RLF: variants seen among roughly 807,000 people sequenced by gnomAD.
RLF encodes RLF zinc finger, also known as zinc finger protein Rlf.
A neutral mutation model predicts 162.9 loss-of-function variants in RLF; 7 were observed. The observed-to-expected ratio is 0.04, with a 90% CI of 0.02 to 0.08. RLF has a LOEUF of 0.08. Among genes scored for constraint, RLF ranks in the 10% least tolerant of loss-of-function variants. The pLI, the probability that RLF is intolerant of heterozygous loss-of-function variation, is 1.00. For synonymous variants in RLF, 782 were observed against 791.5 expected (o/e 0.99, Z 0.20); for missense variants, 1,664 against 2,244.7 (o/e 0.74, Z 5.23).
chr1:40,202,507 T>G lies in RLF; in HGVS notation c.703T>G (p.Ser235Ala). Residue 235 changes from serine to alanine, a missense_variant, in exon 5 of 8, where the codon TCA (serine) becomes GCA (alanine). Ser to Ala is a moderately conservative substitution (Grantham distance 99). Around this residue, in one of 15 missense-constraint regions of RLF, gnomAD observed 287 missense variants for 404.9 expected, o/e 0.71. Transcript: ENST00000372771. ...CTGCATCCCCCAGGCTACTGCTTTA[T>G]CAAAACTATGTGCAGAATCTAAAGA... ...SNCIPQATALSKLCAESKEIS... is the reference protein window; with the variant it reads ...SNCIPQATALAKLCAESKEIS... 6.3e-7 allele frequency: 1 copy of G among 1,578,084 alleles called. No homozygotes were observed. Among genetic ancestry groups the G allele is most frequent in the Admixed American group, 2.1e-5 (1 of 48,668 alleles).
intron 1 of RLF, among the ~76,000 whole-genome samples, chr1:40,175,387 A>G (rs2124527332): frequency 6.6e-6 from 1 of 152,284 alleles, no homozygotes; most frequent in African/African-American, 2.4e-5. Flanking sequence ...ACGGTGGCTC[A>G]CATCTGTAAT....
chr1:40,189,688 C>T (rs1384280096), intron 2 of RLF, among the ~76,000 whole-genome samples: 1 of 152,038 alleles, frequency 6.6e-6, no homozygotes, highest in Non-Finnish European at 1.5e-5. Flanking sequence ...AATCCCAGCA[C>T]TTTGGGAAGA....
At chr1:40,186,909 G>A (rs866675304) in intron 1 of RLF, among the ~76,000 whole-genome samples, 1 of 152,170 alleles carries the variant, frequency 6.6e-6, no homozygotes, top group South Asian at 2.1e-4. Context: ...CATAAATCTG[G>A]CACTAAATAT....
chr1:40,227,737 G>T (rs1342889014), intron 6 of RLF, among the ~76,000 whole-genome samples: 2 of 152,150 alleles, frequency 1.3e-5, no homozygotes, highest in African/African-American at 4.8e-5. Context: ...AGGCATGGTG[G>T]TTTACACCTG....
chr1:40,214,934 A>C (rs903955657), intron 5 of RLF, among the ~76,000 whole-genome samples: 1 of 150,234 alleles, frequency 6.7e-6, no homozygotes, highest in South Asian at 2.1e-4. Flanking sequence ...AAAAAAAAAA[A>C]AAAAAAAAAA....
At chr1:40,204,681 C>T (rs1369094465) in intron 5 of RLF, among the ~76,000 whole-genome samples, 1 of 152,106 alleles carries the variant, frequency 6.6e-6, no homozygotes, top group African/African-American at 2.4e-5. Flanking sequence ...CTCAGCCTCC[C>T]AAAGTGCTGG....
At chr1:40,212,664 T>G (rs948084343) in intron 5 of RLF, among the ~76,000 whole-genome samples, 2 of 152,202 alleles carry the variant, frequency 1.3e-5, no homozygotes, top group African/African-American at 4.8e-5. Flanking sequence ...AATCCCTGAA[T>G]GAACTACATC....
chr1:40,166,385 T>C (rs2124522445), intron 1 of RLF, among the ~76,000 whole-genome samples: 1 of 152,224 alleles, frequency 6.6e-6, no homozygotes, highest in South Asian at 2.1e-4. Flanking sequence ...GGAACACTTT[T>C]ACACTGTTGG....
chr1:40,199,381 G>A (rs770765986), intron 4 of RLF, among the ~76,000 whole-genome samples: 13 of 152,198 alleles, frequency 8.5e-5, no homozygotes, highest in Admixed American at 2.6e-4. Flanking sequence ...CATTTACTCC[G>A]TGTTTGGCCT....
At chr1:40,173,861 G>T (rs1642279954) in intron 1 of RLF, among the ~76,000 whole-genome samples, 1 of 152,138 alleles carries the variant, frequency 6.6e-6, no homozygotes, top group Non-Finnish European at 1.5e-5. Flanking sequence ...TTCTCATGAA[G>T]CGGAACATGT....
intron 5 of RLF, among the ~76,000 whole-genome samples, chr1:40,212,941 C>A (rs2124548409): frequency 6.6e-6 from 1 of 152,276 alleles, no homozygotes; most frequent in African/African-American, 2.4e-5. Flanking sequence ...GAACTCTGAA[C>A]AAGGAATAAT....
In RLF at chr1:40,161,430, G is replaced by A; in HGVS notation, c.31G>A (p.Val11Ile). ...GGACGGAAAGGGAGACGCCGCCGCTGTCGCCGGGGCTGGGGCTGAGGCTCC... is the reference window on the plus strand; with the variant it reads ...GGACGGAAAGGGAGACGCCGCCGCTATCGCCGGGGCTGGGGCTGAGGCTCC... MADGKGDAAA[V>I]AGAGAEAPAV... Residue 11 changes from valine (V) to isoleucine (I), a missense_variant, in exon 1 of 8, where the codon GTC (valine) becomes ATC (isoleucine). Val to Ile is a conservative substitution (Grantham distance 29). Coordinates refer to ENST00000372771, the MANE Select transcript of RLF (RefSeq NM_012421.4). This position sits in a 1 kb window ranked among gnomAD's most constrained non-coding sequence, Gnocchi z 4.4. 3 of 1,554,920 alleles carry A rather than the reference G, an allele frequency of 1.9e-6. No individual in the cohort carries two copies. Among genetic ancestry groups the A allele is most frequent in the Non-Finnish European group, 2.6e-6 (3 of 1,156,224 alleles).
At chr1:40,192,120 A>G (rs376455111) in intron 3 of RLF, among the ~76,000 whole-genome samples, 1 of 152,182 alleles carries the variant, frequency 6.6e-6, no homozygotes, top group East Asian at 1.9e-4. Flanking sequence ...ATTCTTTGTC[A>G]TGTTCTTGGC....
At chr1:40,190,463 G>T (rs78325246) in intron 2 of RLF, among the ~76,000 whole-genome samples, 7,353 of 152,072 alleles carry the variant, frequency 0.048, 580 homozygotes, top group African/African-American at 0.17. Context: ...AATTAGAATT[G>T]TCCTATATGG....
chr1:40,164,644 TCTC>T (rs749884824), intron 1 of RLF, among the ~76,000 whole-genome samples: 2 of 152,212 alleles, frequency 1.3e-5, no homozygotes, highest in Non-Finnish European at 2.9e-5. Context: ...GATGATGTCT[TCTC>T]AAGTTTTTCC....
At chr1:40,167,593 G>A (rs1642185125) in intron 1 of RLF, among the ~76,000 whole-genome samples, 1 of 151,964 alleles carries the variant, frequency 6.6e-6, no homozygotes, top group Non-Finnish European at 1.5e-5. Context: ...AGACTAAAAC[G>A]TGTTTTATTT....
Position 40,239,783 on chromosome 1 carries a change from C to G in RLF, c.5081C>G (p.Pro1694Arg). The G allele has an allele frequency of 6.2e-7, 1 of 1,614,182 alleles. No homozygotes were observed. Residue 1694 changes from proline to arginine, a missense_variant, in exon 8 of 8, where the codon CCT becomes CGT. Transcript: ENST00000372771. ...EQCNIVQPPP[P>R]CKIENSIPNP... is the part of the protein sequence containing the mutation. ...TGTAATATAGTTCAGCCTCCTCCTC[C>G]TTGTAAAATAGAAAATTCCATACCT... is the stretch of plus-strand genomic sequence containing the variant.
At chr1:40,215,695 C>T (rs557558286) in intron 5 of RLF, among the ~76,000 whole-genome samples, 1 of 152,218 alleles carries the variant, frequency 6.6e-6, no homozygotes, top group South Asian at 2.1e-4. Context: ...GGTCCTCCCA[C>T]TTCAGCCTCC....
At chr1:40,215,107 A>G (rs1488617001) in intron 5 of RLF, among the ~76,000 whole-genome samples, 1 of 152,108 alleles carries the variant, frequency 6.6e-6, no homozygotes. Context: ...AAGAATCAGC[A>G]AACTTGTCCA....
Sources: allele counts gnomAD v4.1 joint callset (sites outside exome capture counted in the v4.1 genomes callset), GRCh38; gene constraint gnomAD v4.1.1; regional missense constraint gnomAD v4.1.1; non-coding constraint Gnocchi (gnomAD v3.1); transcripts MANE v1.5; gene names NCBI Gene and HGNC (gene_info 2026-07-23, HGNC 2026-07-21).